Variants in COLEC11 observed in about 807,000 individuals in gnomAD.
The protein encoded by COLEC11 is collectin subfamily member 11.
COLEC11 carries 20 observed loss-of-function variants against 27.3 expected under a neutral mutation model. The observed-to-expected ratio is 0.73, with a 90% confidence interval of 0.51 to 1.06. The LOEUF (loss-of-function observed/expected upper bound fraction) is 1.06. COLEC11 is among the 50% of genes least tolerant of loss of function. The pLI, the probability that COLEC11 is intolerant of heterozygous loss-of-function variation, is 0.00. For missense variants in COLEC11, 310 were observed against 383.0 expected (o/e 0.81, Z 1.59); for synonymous variants, 163 against 154.7 (o/e 1.05, Z -0.40).
intron 3 of COLEC11, among the ~76,000 whole-genome samples, chr2:3,634,475 AG>A (rs1194953228): frequency 6.6e-6 from 1 of 152,162 alleles, no homozygotes; most frequent in Non-Finnish European, 1.5e-5. Flanking sequence ...CCTGCAGCAA[AG>A]CAGGGCCCCT....
chr2:3,638,660 C>T (rs538378176), intron 4 of COLEC11, among the ~76,000 whole-genome samples: 2 of 152,206 alleles, frequency 1.3e-5, no homozygotes, highest in South Asian at 2.1e-4. Context: ...GCCAGGAGAG[C>T]GATGGGGAGG....
At chr2:3,607,094 C>T (rs13386282) in intron 2 of COLEC11, among the ~76,000 whole-genome samples, 40,904 of 151,958 alleles carry the variant, frequency 0.27, 7,354 homozygotes, top group African/African-American at 0.52. Flanking sequence ...CCACAACCCC[C>T]TGTGTTTTGG....
intron 3 of COLEC11, among the ~76,000 whole-genome samples, chr2:3,627,032 A>G (rs1664605672): frequency 6.6e-6 from 1 of 152,056 alleles, no homozygotes; most frequent in African/African-American, 2.4e-5. Context: ...GCTGGGTGCT[A>G]GTGGATAGCT....
Position 3,625,136 on chromosome 2 carries a change from G to T in COLEC11, c.202+11754G>T, listed in dbSNP as rs563511437. On this transcript the variant is annotated intron_variant, in intron 3 of 6. Transcript: ENST00000349077. Reference sequence around the variant, plus strand: ...TGGTTTGCTGATCCAAGGCGGCAAGGATTCTCTATTAAAACCTCTGAGGAA... The same window carrying T: ...TGGTTTGCTGATCCAAGGCGGCAAGTATTCTCTATTAAAACCTCTGAGGAA... Among the ~76,000 whole-genome samples the T allele has an allele frequency of 2.5e-3, 388 of 152,300 alleles. 8 individuals carry two copies. Among genetic ancestry groups the T allele is most frequent in the Non-Finnish European group, 3.3e-3 (222 of 68,008 alleles).
intron 3 of COLEC11, among the ~76,000 whole-genome samples, chr2:3,629,419 T>G (rs1019249166): frequency 1.3e-5 from 2 of 152,242 alleles, no homozygotes; most frequent in Non-Finnish European, 2.9e-5. Flanking sequence ...GTTCTCAGTT[T>G]AAGCCTAGGT....
intron 1 of COLEC11, among the ~76,000 whole-genome samples, chr2:3,600,045 C>T (rs141396773): frequency 0.011 from 1,650 of 151,720 alleles, 22 homozygotes; most frequent in Middle Eastern, 0.031. Context: ...ACCATTCTAG[C>T]CAACACGGTG....
intron 3 of COLEC11, among the ~76,000 whole-genome samples, chr2:3,634,746 G>A (rs1665259979): frequency 6.6e-6 from 1 of 152,082 alleles, no homozygotes; most frequent in Non-Finnish European, 1.5e-5. Flanking sequence ...GCCGTGGAGA[G>A]GGATTCAGAG....
At chr2:3,635,194 T>G (rs948379811) in intron 3 of COLEC11, among the ~76,000 whole-genome samples, 3 of 143,564 alleles carry the variant, frequency 2.1e-5, no homozygotes, top group African/African-American at 7.8e-5. Context: ...TCCCTGCGCC[T>G]ACCTTGGGGA....
At position 3,604,519 on chromosome 2, in the gene COLEC11, G is replaced by A. The variant is rs577278635; in HGVS notation, c.130+49G>A. ...CTGCTGGGCAGTGGCCTCCGGGCCA[G>A]CTGAGAGACTCCCATGCAACTGCGC... is the stretch of plus-strand genomic sequence containing the variant. On this transcript the variant is annotated intron_variant, in intron 2 of 6. Coordinates refer to ENST00000349077, the MANE Select transcript of COLEC11 (RefSeq NM_024027.5). The A allele has an allele frequency of 3.0e-4, 481 of 1,598,304 alleles. 6 individuals are homozygous for A. In the South Asian group the frequency reaches 4.3e-3, roughly 14 times the overall value.
intron 2 of COLEC11, among the ~76,000 whole-genome samples, chr2:3,610,576 T>C (rs1018317582): frequency 2.6e-5 from 4 of 152,152 alleles, no homozygotes; most frequent in African/African-American, 9.7e-5. Flanking sequence ...GGTCAGGTTA[T>C]CCCCATGAGC....
At chr2:3,608,232 G>A (rs4850070) in intron 2 of COLEC11, among the ~76,000 whole-genome samples, 112,329 of 152,162 alleles carry the variant, frequency 0.74, 41,578 homozygotes, top group South Asian at 0.88. Context: ...TGTCAGCCAC[G>A]TTTTGTTTCT....
In COLEC11 at chr2:3,643,909, A is replaced by G. The variant is rs988678931; in HGVS notation, c.607A>G (p.Ile203Val). The G allele has an allele frequency of 1.2e-6, 2 of 1,613,944 alleles. No homozygotes were observed. The highest frequency in any genetic ancestry group is 1.7e-6 in the Non-Finnish European group (2 of 1,180,060). The change falls in exon 7 of 7, where the codon ATC (isoleucine) becomes GTC (valine). Residue 203 changes from isoleucine to valine, a missense_variant. Transcript: ENST00000349077. ...GCAAGCCGGCCTGGCCCGTGTCTTCATCGGCATCAACGACCTGGAGAAGGA... is the reference window on the plus strand; with the variant it reads ...GCAAGCCGGCCTGGCCCGTGTCTTCGTCGGCATCAACGACCTGGAGAAGGA... ...LAQAGLARVF[I>V]GINDLEKEGA... is the part of the protein sequence containing the mutation.
chr2:3,624,850 C>A (rs1400271350), intron 3 of COLEC11, among the ~76,000 whole-genome samples: 2 of 152,180 alleles, frequency 1.3e-5, no homozygotes, highest in Non-Finnish European at 2.9e-5. Flanking sequence ...CTCCTAACAT[C>A]ACCCATGTGT....
At position 3,617,408 on chromosome 2, in the gene COLEC11, CT is replaced by C. The variant is rs1051093499; in HGVS notation, c.202+4029del. On this transcript the variant is annotated intron_variant, in intron 3 of 6. Transcript: ENST00000349077. ...GGCGCGGCCTTCGTTGTCCGTAGTT[CT>C]TTGATGTGAAAGGGGCAGCACAGTC... The C allele has an allele frequency of 7.3e-6, 7 of 958,644 alleles. No individual in the cohort carries two copies. The African/African-American group carries it at 1.2e-4, about 16-fold the overall frequency. 59.4% of individuals were successfully genotyped at this position (958,644 alleles called of 1,614,324 possible).
chr2:3,631,746 G>A (rs958862199), intron 3 of COLEC11, among the ~76,000 whole-genome samples: 2 of 152,026 alleles, frequency 1.3e-5, no homozygotes, highest in African/African-American at 2.4e-5. Context: ...TCTGCTCGGA[G>A]GGGGCTCTGC....
intron 3 of COLEC11, chr2:3,625,962 T>G (rs1664524367): frequency 2.0e-6 from 3 of 1,503,906 alleles, no homozygotes; most frequent in Non-Finnish European, 2.8e-6. Context: ...ACATCTCTAT[T>G]ATCTGAGTTG....
At chr2:3,643,297 T>G in intron 5 of COLEC11, 147 bp from the exon 6 acceptor site, 1 of 706,678 alleles carries the variant, frequency 1.4e-6, no homozygotes, top group Non-Finnish European at 2.6e-6. Context: ...GCCTTTAGGA[T>G]GAAGTGGGTG....
chr2:3,610,909 T>C (rs1447239620), intron 2 of COLEC11, among the ~76,000 whole-genome samples: 2 of 152,148 alleles, frequency 1.3e-5, no homozygotes, highest in Non-Finnish European at 2.9e-5. Context: ...AGGTATGCAG[T>C]CTTTAAACCT....
At chr2:3,632,388 G>A (rs1019689967) in intron 3 of COLEC11, among the ~76,000 whole-genome samples, 5 of 152,180 alleles carry the variant, frequency 3.3e-5, no homozygotes, top group African/African-American at 7.2e-5. Flanking sequence ...ATTTCCTCCC[G>A]GCTGTGGAGG....
Sources: allele counts gnomAD v4.1 joint callset (sites outside exome capture counted in the v4.1 genomes callset), GRCh38; gene constraint gnomAD v4.1.1; transcripts MANE v1.5; gene names NCBI Gene and HGNC (gene_info 2026-07-23, HGNC 2026-07-21).